The following GRM7 variants were observed in gnomAD, a reference collection of about 807,000 sequenced individuals.
The protein encoded by GRM7 is metabotropic glutamate receptor 7.
GRM7 carries 35 observed loss-of-function variants against 84.5 expected under a neutral mutation model. The observed-to-expected ratio is 0.41, with a 90% CI of 0.32 to 0.55. GRM7 has a LOEUF of 0.55. Among genes scored for constraint, GRM7 ranks in the 20% least tolerant of loss-of-function variants. The pLI, the probability that GRM7 is intolerant of heterozygous loss-of-function variation, is 0.19. For missense variants in GRM7, 1,003 were observed against 1,194.6 expected (o/e 0.84, Z 2.36); for synonymous variants, 487 against 455.1 (o/e 1.07, Z -0.89).
At chr3:6,998,875 C>A (rs1022922305) in intron 1 of GRM7, among the ~76,000 whole-genome samples, 1 of 152,168 alleles carries the variant, frequency 6.6e-6, no homozygotes, top group Admixed American at 6.5e-5. Flanking sequence ...GCCCTGAAAC[C>A]ATTTTTTCCT....
intron 7 of GRM7, among the ~76,000 whole-genome samples, chr3:7,495,401 C>G (rs1699665170): frequency 6.6e-6 from 1 of 152,068 alleles, no homozygotes; most frequent in South Asian, 2.1e-4. Context: ...AAAAGAGGCT[C>G]AGGGACAAAG....
At chr3:7,277,215 G>A (rs191460765) in intron 2 of GRM7, among the ~76,000 whole-genome samples, 19 of 152,050 alleles carry the variant, frequency 1.2e-4, no homozygotes, top group Admixed American at 1.1e-3. Flanking sequence ...ACTTAACTGG[G>A]TAAGTTATTT....
chr3:7,181,129 T>C (rs909376173), intron 2 of GRM7, among the ~76,000 whole-genome samples: 1 of 152,214 alleles, frequency 6.6e-6, no homozygotes, highest in Non-Finnish European at 1.5e-5. Context: ...AAATGCTTTT[T>C]CCGGTTCTTC....
At chr3:7,377,396 T>C (rs1694396924) in intron 4 of GRM7, among the ~76,000 whole-genome samples, 1 of 152,172 alleles carries the variant, frequency 6.6e-6, no homozygotes, top group African/African-American at 2.4e-5. Context: ...ATCTTCTCTT[T>C]TGTAAAATGT....
chr3:6,949,553 G>A (rs1158931469), intron 1 of GRM7, among the ~76,000 whole-genome samples: 1 of 151,746 alleles, frequency 6.6e-6, no homozygotes, highest in Non-Finnish European at 1.5e-5. Flanking sequence ...CTCTTCTCGA[G>A]GAGTATCTTT....
chr3:6,995,800 G>A (rs1418461136), intron 1 of GRM7, among the ~76,000 whole-genome samples: 2 of 152,096 alleles, frequency 1.3e-5, no homozygotes, highest in Non-Finnish European at 2.9e-5. Flanking sequence ...AGTACCAAGA[G>A]AACACATATA....
chr3:7,685,314 G>C (rs1448653396), intron 9 of GRM7, among the ~76,000 whole-genome samples: 2 of 152,164 alleles, frequency 1.3e-5, no homozygotes, highest in African/African-American at 4.8e-5. Context: ...AGTGAAGAGA[G>C]GCCTGGCCCT....
intron 7 of GRM7, among the ~76,000 whole-genome samples, chr3:7,498,857 A>G (rs1201499479): frequency 6.6e-6 from 1 of 152,210 alleles, no homozygotes; most frequent in East Asian, 1.9e-4. Flanking sequence ...AGAGCCCTCC[A>G]CTTTCTGTTG....
intron 4 of GRM7, among the ~76,000 whole-genome samples, chr3:7,366,140 C>A (rs762938408): frequency 6.6e-6 from 1 of 151,758 alleles, no homozygotes; most frequent in Non-Finnish European, 1.5e-5. Flanking sequence ...TCCTTACTTC[C>A]TGTAGATCTA....
chr3:7,628,761 A>G (rs1021076549), intron 8 of GRM7, among the ~76,000 whole-genome samples: 1 of 152,182 alleles, frequency 6.6e-6, no homozygotes, highest in Admixed American at 6.5e-5. Flanking sequence ...AGTGAAAGCA[A>G]TGCTAGTGAG....
chr3:7,033,991 C>T (rs1013340844), intron 1 of GRM7, among the ~76,000 whole-genome samples: 1 of 152,110 alleles, frequency 6.6e-6, no homozygotes, highest in African/African-American at 2.4e-5. Context: ...GCAGTTATGC[C>T]TAAGCACCAA....
chr3:7,099,975 TA>T (rs1475035667), intron 1 of GRM7, among the ~76,000 whole-genome samples: 1 of 147,990 alleles, frequency 6.8e-6, no homozygotes, highest in Non-Finnish European at 1.5e-5. Flanking sequence ...TATACATATA[TA>T]ATTGCATATG....
At chr3:7,099,756 TAC>T (rs1699034289) in intron 1 of GRM7, among the ~76,000 whole-genome samples, 1 of 80,202 alleles carries the variant, frequency 1.2e-5, no homozygotes, top group Non-Finnish European at 2.0e-5. Context: ...CATGTGCACA[TAC>T]ATGTATATGT....
chr3:7,602,492 A>G (rs1419093455), intron 8 of GRM7, among the ~76,000 whole-genome samples: 5 of 152,180 alleles, frequency 3.3e-5, no homozygotes, highest in African/African-American at 7.2e-5. Context: ...ACAGATGCAT[A>G]TGCCTACCAC....
chr3:7,709,605 A>G (rs994772595), intron 9 of GRM7, among the ~76,000 whole-genome samples: 1 of 152,134 alleles, frequency 6.6e-6, no homozygotes, highest in Non-Finnish European at 1.5e-5. Flanking sequence ...GTTCCCCATC[A>G]TTCGTTGTAT....
At chr3:7,227,057 T>C (rs1033344687) in intron 2 of GRM7, among the ~76,000 whole-genome samples, 1 of 152,212 alleles carries the variant, frequency 6.6e-6, no homozygotes. Flanking sequence ...AGAATTCAAC[T>C]GGAATACCTG....
rs114337084 is a variant in GRM7 at position 7,431,512 on chromosome 3, A to G, written c.1174+16349A>G. Among the ~76,000 whole-genome samples the G allele has an allele frequency of 1.3e-3, 192 of 152,314 alleles. 2 individuals are homozygous for G. The highest frequency in any genetic ancestry group is 4.6e-3 in the African/African-American group (191 of 41,574). ...ACGGCATACGCTGTATGCAGAATGTACTTCTATTAAAAATATTCACACATT... is the reference window on the plus strand; with the variant it reads ...ACGGCATACGCTGTATGCAGAATGTGCTTCTATTAAAAATATTCACACATT... On this transcript the variant is annotated intron_variant, in intron 5 of 9. Coordinates refer to ENST00000357716, the MANE Select transcript of GRM7 (RefSeq NM_000844.4).
chr3:7,102,634 T>G (rs910854014), intron 1 of GRM7, among the ~76,000 whole-genome samples: 1 of 151,714 alleles, frequency 6.6e-6, no homozygotes, highest in African/African-American at 2.4e-5. Flanking sequence ...TTCTCCACAT[T>G]TTTTCTACAC....
intron 7 of GRM7, chr3:7,561,591 T>C (rs1335332406): frequency 2.2e-6 from 1 of 456,350 alleles, no homozygotes; most frequent in Non-Finnish European, 4.4e-6. Context: ...TATTTTTGTT[T>C]GAGGAAAAAG....
Sources: allele counts gnomAD v4.1 joint callset (sites outside exome capture counted in the v4.1 genomes callset), GRCh38; gene constraint gnomAD v4.1.1; transcripts MANE v1.5; gene names NCBI Gene and HGNC (gene_info 2026-07-23, HGNC 2026-07-21).